Variants in NDRG4 observed in about 807,000 individuals in gnomAD.
The protein encoded by NDRG4 is NDRG family member 4.
Under a neutral mutation model 55.8 loss-of-function variants are expected in NDRG4, and 38 were observed. That is an observed-to-expected ratio of 0.68 (90% CI 0.53 to 0.89). NDRG4 has a LOEUF of 0.89. Among genes scored for constraint, NDRG4 ranks in the 40% least tolerant of loss-of-function variants. The probability of loss-of-function intolerance (pLI) is 0.00; values close to 1 mark genes in which losing one functional copy is unlikely to be tolerated. For synonymous variants in NDRG4, 190 were observed against 182.7 expected (o/e 1.04, Z -0.32); for missense variants, 455 against 468.6 (o/e 0.97, Z 0.27).
At chr16:58,502,204 G>A in intron 1 of NDRG4, 1 of 346,976 alleles carries the variant, frequency 2.9e-6, no homozygotes, top group Non-Finnish European at 5.9e-6. Flanking sequence ...GGGCCTATGT[G>A]GGAAGTAAAT....
At chr16:58,501,993 A>C (rs8060694) in intron 1 of NDRG4, 13 of 455,852 alleles carry the variant, frequency 2.9e-5, no homozygotes, top group African/African-American at 2.6e-4. Flanking sequence ...CAGAGCTGAG[A>C]GAACTCACAG....
chr16:58,464,553 G>T lies in NDRG4; in HGVS notation c.-24+756G>T. 8.2e-7 allele frequency: 1 copy of T among 1,213,410 alleles called. No individual in the cohort carries two copies. Among genetic ancestry groups the T allele is most frequent in the Non-Finnish European group, 1.1e-6 (1 of 950,008 alleles). The allele number at this position is 1,213,410 out of a possible 1,614,324, so 75.2% of individuals were successfully genotyped here. A position where few individuals can be genotyped will look rare whatever the true frequency, so the allele number is the denominator to read the frequency against. On this transcript the variant is annotated intron_variant, in intron 1 of 15. Coordinates refer to the NDRG4 transcript ENST00000258187. This position sits in a 1 kb window ranked among gnomAD's most constrained non-coding sequence, Gnocchi z 4.8. ...CGGCGGCCGGGGACTGGGGCGGCTC[G>T]GGTCTGAGCAGGAAGGGGTGCGGAC...
At chr16:58,470,247 A>C (rs962498644) in intron 1 of NDRG4, among the ~76,000 whole-genome samples, 1 of 152,268 alleles carries the variant, frequency 6.6e-6, no homozygotes, top group Non-Finnish European at 1.5e-5. Flanking sequence ...ATTAATGCAA[A>C]GCACTAGATG....
In NDRG4 at chr16:58,505,156, T is replaced by C. The variant is rs187402982; in HGVS notation, c.372+507T>C. Among the ~76,000 whole-genome samples the C allele has an allele frequency of 1.0e-2, 1,520 of 152,224 alleles. 25 individuals carry two copies. The highest frequency in any genetic ancestry group is 0.032 in the African/African-American group (1,325 of 41,538). On this transcript the variant is annotated intron_variant, in intron 5 of 14. Transcript: ENST00000570248. The stretch of plus-strand genomic sequence containing the variant: ...CGAGGTCAGGAGATCAAGACCATCC[T>C]GGCTAACACGGTGAAACCCAGTCTC...
intron 1 of NDRG4, chr16:58,500,796 G>C: frequency 2.4e-6 from 1 of 418,766 alleles, no homozygotes; most frequent in East Asian, 3.6e-5. Flanking sequence ...AGCTTGTTTG[G>C]ATGGCTGCGC....
intron 1 of NDRG4, among the ~76,000 whole-genome samples, chr16:58,483,407 A>G (rs775382153): frequency 2.0e-5 from 3 of 152,128 alleles, no homozygotes; most frequent in Non-Finnish European, 2.9e-5. Context: ...AAAAACACAA[A>G]TCAGCAACCA....
chr16:58,465,060 C>T lies in NDRG4; in HGVS notation c.-24+1263C>T, dbSNP rs2031306155. 7 of 1,277,806 alleles carry T rather than the reference C, an allele frequency of 5.5e-6. No homozygotes were observed. In the South Asian group the frequency reaches 8.9e-5, roughly 16 times the overall value. 79.2% of individuals were successfully genotyped at this position (1,277,806 alleles called of 1,614,324 possible). On this transcript the variant is annotated intron_variant, in intron 1 of 15. Transcript: ENST00000258187. The stretch of plus-strand genomic sequence containing the variant: ...TGGCTGGAGAGCAAGAGCGAACGGT[C>T]AGGAAGAGGAGGTGGGAAAGGGAGC...
In NDRG4 at chr16:58,506,488, CG is replaced by C. The variant is rs752621944; in HGVS notation, c.459+20del. On this transcript the variant is annotated intron_variant, in intron 6 of 14. Coordinates refer to ENST00000570248, the MANE Select transcript of NDRG4 (RefSeq NM_001242835.2). ...CTGCCACCAAGGTGTGTGTGGTGAC[CG>C]GGGGTGGGGTGGGTATACCTAGGGT... 1.2e-5 allele frequency: 9 copies of C among 733,354 alleles called. No individual in the cohort carries two copies. The highest frequency in any genetic ancestry group is 1.9e-5 in the Non-Finnish European group (9 of 467,584). 45.4% of individuals were successfully genotyped at this position (733,354 alleles called of 1,614,324 possible). A position where few individuals can be genotyped will look rare whatever the true frequency, so the allele number is the denominator to read the frequency against.
rs1326249942 is a variant in NDRG4 at position 58,464,518 on chromosome 16, A to G, written c.-24+721A>G. ...GCCGCCACTTTCCGAGTTGGAGCGG[A>G]CTCCGGGCGCGGCGGCCGGGGACTG... is the stretch of plus-strand genomic sequence containing the variant. On this transcript the variant is annotated intron_variant, in intron 1 of 15. Transcript: ENST00000258187. This position sits in a 1 kb window ranked among gnomAD's most constrained non-coding sequence, Gnocchi z 4.8. 6.2e-6 allele frequency: 8 copies of G among 1,292,298 alleles called. No individual in the cohort carries two copies. The highest frequency in any genetic ancestry group is 3.1e-5 in the East Asian group (1 of 31,792). 80.1% of individuals were successfully genotyped at this position (1,292,298 alleles called of 1,614,324 possible). A position where few individuals can be genotyped will look rare whatever the true frequency, so the allele number is the denominator to read the frequency against.
upstream of NDRG4, among the ~76,000 whole-genome samples, chr16:58,498,743 A>G (rs2036690769): frequency 6.6e-6 from 1 of 152,062 alleles, no homozygotes; most frequent in Non-Finnish European, 1.5e-5. Flanking sequence ...GCAGGAGAGA[A>G]ATGGGGCAGT....
At chr16:58,506,193 T>G (rs906032007) in intron 5 of NDRG4, 194 bp from the exon 6 acceptor site, 3 of 662,628 alleles carry the variant, frequency 4.5e-6, no homozygotes, top group East Asian at 3.0e-5. Flanking sequence ...ATGATAGAGA[T>G]TCTAAATAAA....
Position 58,511,582 on chromosome 16 carries a change from T to C in NDRG4, c.*6T>C, listed in dbSNP as rs2038811993. 1 of 1,613,056 alleles carries C rather than the reference T, an allele frequency of 6.2e-7. No individual in the cohort carries two copies. Among genetic ancestry groups the C allele is most frequent in the Non-Finnish European group, 8.5e-7 (1 of 1,179,946 alleles). On this transcript the variant is annotated 3_prime_UTR_variant, in exon 15 of 15. Transcript: ENST00000570248. Reference sequence around the variant, plus strand: ...CCATGGAGGTGTCCTGTTGAAGCCCTTGATCCCGCTGACGACGCCCACGTC... The same window carrying C: ...CCATGGAGGTGTCCTGTTGAAGCCCCTGATCCCGCTGACGACGCCCACGTC...
rs1219232419 is a variant in NDRG4 at position 58,504,239 on chromosome 16, T to G, written c.213T>G (p.Pro71=). 1 of 1,614,182 alleles carries G rather than the reference T, an allele frequency of 6.2e-7. No individual in the cohort carries two copies. The highest frequency in any genetic ancestry group is 1.7e-5 in the Admixed American group (1 of 60,026). ...TTGTGGTGTGTCACGTGGATGCCCC[T>G]GGACAACAGGTGGGGGCGTCGCAGT... is the stretch of plus-strand genomic sequence containing the variant. ...KHFVVCHVDA[P]GQQVGASQFP... The change falls in exon 3 of 15, where the codon CCT becomes CCG. Residue 71 remains proline, a synonymous_variant. Transcript: ENST00000570248.
At chr16:58,476,634 G>A (rs2033671081) in intron 1 of NDRG4, among the ~76,000 whole-genome samples, 1 of 152,168 alleles carries the variant, frequency 6.6e-6, no homozygotes, top group Non-Finnish European at 1.5e-5. Context: ...TTTGCGAGTG[G>A]ATGTCAGCAG....
intron 1 of NDRG4, among the ~76,000 whole-genome samples, chr16:58,485,800 G>C (rs1228193666): frequency 6.6e-6 from 1 of 152,108 alleles, no homozygotes; most frequent in Non-Finnish European, 1.5e-5. Context: ...TATTGTAACA[G>C]GAATTTTCCC....
chr16:58,485,538 C>T (rs1298115489), intron 1 of NDRG4, among the ~76,000 whole-genome samples: 3 of 152,138 alleles, frequency 2.0e-5, no homozygotes. Flanking sequence ...AGGCAGGTGG[C>T]TAAAATGTCC....
intron 1 of NDRG4, chr16:58,465,112 T>C: frequency 7.8e-7 from 1 of 1,285,478 alleles, no homozygotes; most frequent in Non-Finnish European, 1.0e-6. Flanking sequence ...ATTCGAGGAG[T>C]GACTTCTGTG....
At chr16:58,467,600 T>C (rs2031936230) in intron 1 of NDRG4, among the ~76,000 whole-genome samples, 2 of 152,238 alleles carry the variant, frequency 1.3e-5, no homozygotes, top group South Asian at 2.1e-4. Flanking sequence ...GACTTCCTCA[T>C]GTTCCTATTT....
At position 58,512,133 on chromosome 16, in the gene NDRG4, T is replaced by A. The variant is rs1436018548; in HGVS notation, c.*557T>A. The A allele has an allele frequency of 2.2e-6, 1 of 456,332 alleles. No homozygotes were observed. Among genetic ancestry groups the A allele is most frequent in the Admixed American group, 2.4e-5 (1 of 42,552 alleles). The allele number at this position is 456,332 out of a possible 1,614,324, so 28.3% of individuals were successfully genotyped here. On this transcript the variant is annotated 3_prime_UTR_variant, in exon 15 of 15. Coordinates refer to ENST00000570248, the MANE Select transcript of NDRG4 (RefSeq NM_001242835.2). ...CCTGGTGCTCTCTGGGCCCAGCTGG[T>A]GCTGTAGGGCCACGCAGGCAGGGGC...
Sources: allele counts gnomAD v4.1 joint callset (sites outside exome capture counted in the v4.1 genomes callset), GRCh38; gene constraint gnomAD v4.1.1; non-coding constraint Gnocchi (gnomAD v3.1); transcripts MANE v1.5; gene names NCBI Gene and HGNC (gene_info 2026-07-23, HGNC 2026-07-21).